Variants in LRP1B observed in about 807,000 individuals in gnomAD.
The protein encoded by LRP1B is LDL receptor related protein 1B, also known as low-density lipoprotein receptor-related protein 1B.
In LRP1B, 217 loss-of-function variants were observed where a neutral mutation model predicts 556.6. The ratio of observed to expected loss-of-function variants is 0.39; its 90% confidence interval spans 0.35 to 0.44. LRP1B has a LOEUF of 0.44. Ranked by LOEUF, LRP1B falls within the 20% of genes least tolerant of loss-of-function variation. The pLI is 1.00. For missense variants in LRP1B, 5,053 were observed against 5,620.8 expected, an observed-to-expected ratio of 0.90 and a Z score of 3.23; for synonymous variants, 2,047 against 1,865.8, an observed-to-expected ratio of 1.10 and a Z score of -2.50.
At chr2:141,782,702 A>G (rs753709187) in intron 2 of LRP1B, among the ~76,000 whole-genome samples, 3 of 152,076 alleles carry the variant, frequency 2.0e-5, no homozygotes, top group Admixed American at 2.0e-4. Context: ...AAAAACAAAC[A>G]TAACATATGT....
intron 1 of LRP1B, among the ~76,000 whole-genome samples, chr2:142,111,694 T>C (rs959255742): frequency 2.0e-5 from 3 of 152,110 alleles, no homozygotes; most frequent in Non-Finnish European, 2.9e-5. Context: ...GTGGGGATTC[T>C]GATATGAATA....
At chr2:141,987,012 G>T (rs746889892) in intron 1 of LRP1B, among the ~76,000 whole-genome samples, 11 of 151,768 alleles carry the variant, frequency 7.2e-5, no homozygotes, top group African/African-American at 2.7e-4. Context: ...ATAAAAATGC[G>T]GATAACAGTA....
Position 141,460,866 on chromosome 2 carries a change from A to G in LRP1B, c.343+19530T>C, listed in dbSNP as rs144653448. On this transcript the variant is annotated intron_variant, in intron 3 of 90. Coordinates refer to ENST00000389484, the MANE Select transcript of LRP1B (RefSeq NM_018557.3). The stretch of plus-strand genomic sequence containing the variant: ...TGAGAAACTAAAAGAGCTGCCCCCA[A>G]CTGAGAAGGAAAAAGCTATAATAGT... 4.0e-3 allele frequency among the ~76,000 whole-genome samples: 611 copies of G among 152,218 alleles called. 10 individuals carry two copies. Among genetic ancestry groups the G allele is most frequent in the African/African-American group, 0.013 (538 of 41,554 alleles).
At chr2:141,276,746 TC>T (rs1163204967) in intron 3 of LRP1B, among the ~76,000 whole-genome samples, 1 of 147,506 alleles carries the variant, frequency 6.8e-6, no homozygotes, top group African/African-American at 2.5e-5. Context: ...AAGCTCCGCC[TC>T]CCCGGTTCAC....
At position 141,794,447 on chromosome 2, in the gene LRP1B, G is replaced by T. The variant is rs149312793; in HGVS notation, c.205+15832C>A. ...GTCAGACCTGATTAAAATCTGTTCA[G>T]ATTGAAGGGCTCTAGTTCCTGGCAA... On this transcript the variant is annotated intron_variant, in intron 2 of 90. Transcript: ENST00000389484. Among the ~76,000 whole-genome samples the T allele has an allele frequency of 4.2e-4, 64 of 151,988 alleles. No homozygotes were observed. In the East Asian group the frequency reaches 0.012, roughly 28 times the overall value.
intron 1 of LRP1B, among the ~76,000 whole-genome samples, chr2:141,982,215 G>C (rs749757397): frequency 6.6e-6 from 1 of 152,118 alleles, no homozygotes; most frequent in Non-Finnish European, 1.5e-5. Flanking sequence ...AATGTCTTAA[G>C]GCTCTAGTGG....
chr2:140,765,859 C>T (rs890397022), intron 35 of LRP1B, among the ~76,000 whole-genome samples: 2 of 152,100 alleles, frequency 1.3e-5, no homozygotes, highest in Non-Finnish European at 2.9e-5. Flanking sequence ...TTCTCTTCCA[C>T]TTCATCTCCT....
At chr2:140,404,323 C>T (rs748509313) in intron 66 of LRP1B, among the ~76,000 whole-genome samples, 5 of 151,536 alleles carry the variant, frequency 3.3e-5, no homozygotes, top group African/African-American at 4.8e-5. Context: ...TTCAGGTGCC[C>T]GCCACCACGC....
chr2:141,336,668 T>C (rs1054033368), intron 3 of LRP1B, among the ~76,000 whole-genome samples: 5 of 152,186 alleles, frequency 3.3e-5, no homozygotes, highest in Admixed American at 2.0e-4. Context: ...TAGAGAATAA[T>C]TACATCACTC....
At chr2:141,991,596 T>C (rs944016101) in intron 1 of LRP1B, among the ~76,000 whole-genome samples, 2 of 152,104 alleles carry the variant, frequency 1.3e-5, no homozygotes, top group African/African-American at 4.8e-5. Context: ...AAGGACACAG[T>C]GCTCAGTAGC....
chr2:141,767,496 C>T (rs1279159566), intron 2 of LRP1B, among the ~76,000 whole-genome samples: 2 of 152,108 alleles, frequency 1.3e-5, no homozygotes, highest in African/African-American at 4.8e-5. Context: ...AGGACTTATA[C>T]ATTTGTCAGA....
At chr2:141,354,922 T>A (rs984638998) in intron 3 of LRP1B, among the ~76,000 whole-genome samples, 1 of 152,172 alleles carries the variant, frequency 6.6e-6, no homozygotes, top group African/African-American at 2.4e-5. Flanking sequence ...AGCCAAGTTC[T>A]ACATTTAGTT....
chr2:141,715,697 C>T (rs1479786260), intron 2 of LRP1B, among the ~76,000 whole-genome samples: 2 of 151,654 alleles, frequency 1.3e-5, no homozygotes, highest in Non-Finnish European at 2.9e-5. Context: ...TGCCTATAAT[C>T]CCAGCTACTC....
chr2:140,525,643 T>A (rs959476831), intron 49 of LRP1B, among the ~76,000 whole-genome samples: 1 of 152,034 alleles, frequency 6.6e-6, no homozygotes, highest in African/African-American at 2.4e-5. Flanking sequence ...TAGGATGGTT[T>A]CTTGAATATC....
chr2:141,976,120 AC>A (rs1462177167), intron 1 of LRP1B, among the ~76,000 whole-genome samples: 2 of 152,112 alleles, frequency 1.3e-5, no homozygotes, highest in African/African-American at 4.8e-5. Context: ...AATATGACTT[AC>A]AATTTTTTTT....
intron 66 of LRP1B, among the ~76,000 whole-genome samples, chr2:140,406,115 A>C (rs1246144546): frequency 6.6e-6 from 1 of 152,180 alleles, no homozygotes; most frequent in Non-Finnish European, 1.5e-5. Flanking sequence ...ACTGATACAG[A>C]AATAAGCATT....
At chr2:140,284,615 T>C (rs1169398425) in intron 84 of LRP1B, among the ~76,000 whole-genome samples, 2 of 151,612 alleles carry the variant, frequency 1.3e-5, no homozygotes, top group African/African-American at 2.4e-5. Flanking sequence ...CCTTTCTTTC[T>C]ATCTCTTTTA....
chr2:140,760,712 C>T (rs551455317), intron 35 of LRP1B, among the ~76,000 whole-genome samples: 1 of 151,998 alleles, frequency 6.6e-6, no homozygotes, highest in East Asian at 1.9e-4. Flanking sequence ...TGGAAAAAAC[C>T]CTGTCTCTAT....
intron 3 of LRP1B, among the ~76,000 whole-genome samples, chr2:141,333,310 T>G (rs1033073881): frequency 6.6e-6 from 1 of 152,126 alleles, no homozygotes; most frequent in Admixed American, 6.5e-5. Flanking sequence ...TCTAATTTAA[T>G]GGTAGAATCA....
Sources: allele counts gnomAD v4.1 joint callset (sites outside exome capture counted in the v4.1 genomes callset), GRCh38; gene constraint gnomAD v4.1.1; transcripts MANE v1.5; gene names NCBI Gene and HGNC (gene_info 2026-07-23, HGNC 2026-07-21).